The following MED12L variants were observed in gnomAD, a reference collection of about 807,000 sequenced individuals.
MED12L encodes the protein mediator complex subunit 12L.
A neutral mutation model predicts 281.3 loss-of-function variants in MED12L; 60 were observed. The observed-to-expected ratio is 0.21, with a 90% CI of 0.17 to 0.26. The LOEUF is 0.26. MED12L is among the 10% of genes least tolerant of loss of function. MED12L has a pLI of 1.00. For synonymous variants in MED12L, 974 were observed against 987.2 expected, an observed-to-expected ratio of 0.99 and a Z score of 0.25; for missense variants, 2,146 against 2,680.9, an observed-to-expected ratio of 0.80 and a Z score of 4.41.
chr3:151,372,825 T>C (rs1756356339), intron 27 of MED12L, 59 bp downstream of exon 27: 2 of 1,355,054 alleles, frequency 1.5e-6, no homozygotes, highest in East Asian at 2.3e-5. Flanking sequence ...TGGAGAGAGC[T>C]ACTTACACTT....
At position 151,156,285 on chromosome 3, in the gene MED12L, G is replaced by T; in HGVS notation, c.681G>T (p.Met227Ile). 1 of 1,612,702 alleles carries T rather than the reference G, an allele frequency of 6.2e-7. No homozygotes were observed. Among genetic ancestry groups the T allele is most frequent in the Non-Finnish European group, 8.5e-7 (1 of 1,179,512 alleles). Residue 227 changes from methionine to isoleucine, a missense_variant, in exon 6 of 45, where the codon ATG (methionine) becomes ATT (isoleucine). Physicochemically the swap from Met to Ile is conservative, Grantham distance 10. Around this residue, in one of 9 missense-constraint regions of MED12L, gnomAD observed 722 missense variants for 861.2 expected, o/e 0.84. Coordinates refer to ENST00000687756, the MANE Select transcript of MED12L (RefSeq NM_001393769.1). ...TGCCACCAGAGGTGGAGCAAGCCATGAAGCAATGGGAATACAACGAAAAGC... is the reference window on the plus strand; with the variant it reads ...TGCCACCAGAGGTGGAGCAAGCCATTAAGCAATGGGAATACAACGAAAAGC... The part of the protein sequence containing the change: ...VPVPPEVEQA[M>I]KQWEYNEKLA...
chr3:151,399,404 T>G (rs1715378729), intron 39 of MED12L, among the ~76,000 whole-genome samples: 1 of 152,252 alleles, frequency 6.6e-6, no homozygotes, highest in Non-Finnish European at 1.5e-5. Flanking sequence ...AATGGTTTAC[T>G]TGTATAATTA....
rs1720583058 is a variant in MED12L at position 151,165,404 on chromosome 3, A to C, written c.1258-16A>C. On this transcript the variant is annotated splice_polypyrimidine_tract_variant and intron_variant, in intron 9 of 44. Transcript: ENST00000687756. ...GCATTCCAAGCACAAGTTAATTAGA[A>C]GCGATTATCTTTCAGGTTCGGGCAA... The C allele has an allele frequency of 6.2e-7, 1 of 1,604,668 alleles. No individual in the cohort carries two copies. The highest frequency in any genetic ancestry group is 1.7e-5 in the Admixed American group (1 of 59,946).
At chr3:151,357,491 AT>A in intron 20 of MED12L, 115 bp downstream of exon 20, 1 of 899,076 alleles carries the variant, frequency 1.1e-6, no homozygotes, top group Non-Finnish European at 1.6e-6. Context: ...TAGTTAAAAC[AT>A]GGTTAAAGAA....
intron 23 of MED12L, among the ~76,000 whole-genome samples, chr3:151,367,116 C>CT (rs375892652): frequency 0.76 from 116,076 of 151,984 alleles, 44,991 homozygotes; most frequent in African/African-American, 0.89. Flanking sequence ...CCCCCTCTGT[C>CT]CTTTTTCTTC....
chr3:151,203,570 A>T (rs1255982599), intron 16 of MED12L, among the ~76,000 whole-genome samples: 1 of 152,096 alleles, frequency 6.6e-6, no homozygotes, highest in African/African-American at 2.4e-5. Context: ...CAAAGTTAAA[A>T]TTTAAAAAAT....
At chr3:151,427,005 A>G (rs1718951749) in intron 43 of MED12L, among the ~76,000 whole-genome samples, 1 of 151,980 alleles carries the variant, frequency 6.6e-6, no homozygotes, top group Non-Finnish European at 1.5e-5. Flanking sequence ...TTTTGTAGAG[A>G]TGGCGATTTG....
chr3:151,273,052 A>G (rs1213309822), intron 16 of MED12L, among the ~76,000 whole-genome samples: 1 of 152,090 alleles, frequency 6.6e-6, no homozygotes, highest in Non-Finnish European at 1.5e-5. Context: ...AGTGTAATGC[A>G]AATATTCCAA....
chr3:151,281,940 G>A (rs6764844), intron 16 of MED12L, among the ~76,000 whole-genome samples: 2,124 of 152,178 alleles, frequency 0.014, 43 homozygotes, highest in African/African-American at 0.048. Flanking sequence ...GGCCGTCATC[G>A]ACTGCGCATA....
intron 11 of MED12L, among the ~76,000 whole-genome samples, chr3:151,176,257 TAA>T: frequency 6.6e-6 from 1 of 152,294 alleles, no homozygotes; most frequent in East Asian, 1.9e-4. Context: ...GGATTGTCAT[TAA>T]AACATGAGAA....
At chr3:151,206,071 A>ATTTTT (rs60866327) in intron 16 of MED12L, among the ~76,000 whole-genome samples, 3 of 124,168 alleles carry the variant, frequency 2.4e-5, no homozygotes, top group Non-Finnish European at 3.5e-5. Context: ...AAAGAAAATA[A>ATTTTT]TTTTTTTTTT....
At chr3:151,190,361 G>A (rs530466110) in intron 13 of MED12L, among the ~76,000 whole-genome samples, 12 of 152,024 alleles carry the variant, frequency 7.9e-5, no homozygotes, top group Admixed American at 2.6e-4. Flanking sequence ...TGGTAGAGAC[G>A]GGGTTTCACC....
chr3:151,112,080 CTG>C (rs1314251583), intron 2 of MED12L, among the ~76,000 whole-genome samples: 1 of 152,024 alleles, frequency 6.6e-6, no homozygotes, highest in Non-Finnish European at 1.5e-5. Flanking sequence ...AGGAATATAA[CTG>C]TTGCGTCTTA....
At chr3:151,289,762 GA>G (rs1465911087) in intron 16 of MED12L, among the ~76,000 whole-genome samples, 1 of 152,156 alleles carries the variant, frequency 6.6e-6, no homozygotes, top group East Asian at 1.9e-4. Flanking sequence ...AGACCCTGGG[GA>G]ACCTAGTATC....
At chr3:151,408,464 C>T (rs917966296) in intron 39 of MED12L, among the ~76,000 whole-genome samples, 1 of 151,880 alleles carries the variant, frequency 6.6e-6, no homozygotes. Flanking sequence ...TCATTCTTTA[C>T]AATCAGTAAG....
intron 4 of MED12L, among the ~76,000 whole-genome samples, chr3:151,124,313 C>A (rs1267535707): frequency 1.3e-5 from 2 of 152,144 alleles, no homozygotes; most frequent in African/African-American, 2.4e-5. Context: ...AGCCATTATT[C>A]TTCTTTCTTT....
At chr3:151,280,790 C>T (rs1210690919) in intron 16 of MED12L, among the ~76,000 whole-genome samples, 1 of 151,566 alleles carries the variant, frequency 6.6e-6, no homozygotes, top group African/African-American at 2.4e-5. Flanking sequence ...TCGATTGAAG[C>T]GTACTCTGTG....
intron 43 of MED12L, chr3:151,425,746 G>T: frequency 2.2e-6 from 1 of 456,718 alleles, no homozygotes; most frequent in South Asian, 1.5e-5. Flanking sequence ...GAATCCTAGA[G>T]AGAGAAGCAA....
intron 5 of MED12L, among the ~76,000 whole-genome samples, chr3:151,147,865 T>G (rs776679356): frequency 6.6e-6 from 1 of 152,250 alleles, no homozygotes; most frequent in Non-Finnish European, 1.5e-5. Flanking sequence ...CTCTTAGATA[T>G]ACAGGCTAGT....
Sources: allele counts gnomAD v4.1 joint callset (sites outside exome capture counted in the v4.1 genomes callset), GRCh38; gene constraint gnomAD v4.1.1; regional missense constraint gnomAD v4.1.1; transcripts MANE v1.5; gene names NCBI Gene and HGNC (gene_info 2026-07-23, HGNC 2026-07-21).